Variants in ADAM28 observed in about 807,000 individuals in gnomAD.
The protein encoded by ADAM28 is disintegrin and metalloproteinase domain-containing protein 28.
In ADAM28, 105 loss-of-function variants were observed where a neutral mutation model predicts 101.2. The ratio of observed to expected loss-of-function variants is 1.04; its 90% confidence interval spans 0.89 to 1.22. The LOEUF (loss-of-function observed/expected upper bound fraction) is 1.22, where lower values mean the gene tolerates loss of function less well. ADAM28 is among the 50% of genes most tolerant of loss of function. The pLI, the probability that ADAM28 is intolerant of heterozygous loss-of-function variation, is 0.00. For missense variants in ADAM28, 1,028 were observed against 945.4 expected, an observed-to-expected ratio of 1.09 and a Z score of -1.15; for synonymous variants, 322 against 310.6, an observed-to-expected ratio of 1.04 and a Z score of -0.39.
chr8:24,314,017 A>C (rs2129273387), intron 6 of ADAM28, among the ~76,000 whole-genome samples: 1 of 152,262 alleles, frequency 6.6e-6, no homozygotes, highest in South Asian at 2.1e-4. Context: ...TCAGCCTCCC[A>C]AAGTGCTGAG....
chr8:24,302,920 TC>T (rs1458783724), intron 2 of ADAM28, among the ~76,000 whole-genome samples: 1 of 92,192 alleles, frequency 1.1e-5, no homozygotes, highest in African/African-American at 3.9e-5. Context: ...CCCTCCCCCC[TC>T]CCCCCTCCCC....
chr8:24,345,688 C>T (rs1479020162), intron 18 of ADAM28, among the ~76,000 whole-genome samples: 1 of 151,762 alleles, frequency 6.6e-6, no homozygotes, highest in Admixed American at 6.6e-5. Flanking sequence ...TATTTTATAC[C>T]TAATCTTTTG....
chr8:24,298,797 C>T (rs767380516), intron 1 of ADAM28, among the ~76,000 whole-genome samples: 1 of 152,106 alleles, frequency 6.6e-6, no homozygotes, highest in Non-Finnish European at 1.5e-5. Flanking sequence ...AGGAGCAGGT[C>T]TATCGACTAT....
chr8:24,314,759 A>C (rs1011619048), intron 6 of ADAM28, among the ~76,000 whole-genome samples: 7 of 151,818 alleles, frequency 4.6e-5, no homozygotes, highest in Non-Finnish European at 7.4e-5. Context: ...TAATTTGTTA[A>C]GAAATATATA....
chr8:24,310,101 A>C, intron 3 of ADAM28, 62 bp from the exon 4 acceptor site: 1 of 1,581,538 alleles, frequency 6.3e-7, no homozygotes, highest in Non-Finnish European at 8.7e-7. Flanking sequence ...ATGACTTGAG[A>C]ATTTCCATGG....
intron 1 of ADAM28, chr8:24,296,312 G>T (rs1185451780): frequency 6.6e-6 from 1 of 152,074 alleles, no homozygotes; most frequent in Non-Finnish European, 1.5e-5. Context: ...TAGAAATGCA[G>T]TTTTTTCCCT....
intron 2 of ADAM28, chr8:24,308,801 CT>C: frequency 2.3e-6 from 1 of 431,874 alleles, no homozygotes; most frequent in Admixed American, 2.5e-5. Flanking sequence ...TTGGAGAGGG[CT>C]AAATCCCAGC....
At chr8:24,321,114 T>C (rs977717114) in intron 7 of ADAM28, 104 bp from the exon 8 acceptor site, 28 of 654,910 alleles carry the variant, frequency 4.3e-5, no homozygotes, top group Admixed American at 5.7e-5. Context: ...AACTAATCTT[T>C]AATTAAAATC....
intron 6 of ADAM28, among the ~76,000 whole-genome samples, chr8:24,313,812 C>A (rs1171781930): frequency 6.7e-6 from 1 of 148,220 alleles, no homozygotes; most frequent in Non-Finnish European, 1.5e-5. Context: ...GGCTGTAGTG[C>A]AATGGTGTGA....
chr8:24,349,257 C>A (rs943174818), intron 18 of ADAM28, among the ~76,000 whole-genome samples: 9 of 152,134 alleles, frequency 5.9e-5, no homozygotes, highest in Non-Finnish European at 1.2e-4. Flanking sequence ...CAGTTAAGAG[C>A]AAAAGAGTGA....
chr8:24,339,419 T>C lies in ADAM28; in HGVS notation c.1568-47T>C, dbSNP rs11984686. ...CTTTTATTTTCAAGTATCTCTTGAA[T>C]CTCAAAAATCTATTTTCTTTTCCCT... is the stretch of plus-strand genomic sequence containing the variant. On this transcript the variant is annotated intron_variant, in intron 14 of 22. Transcript: ENST00000265769. 1.8e-3 allele frequency: 2,630 copies of C among 1,426,060 alleles called. 42 individuals carry two copies. In the African/African-American group the frequency reaches 0.034, roughly 18 times the overall value. 88.3% of individuals were successfully genotyped at this position (1,426,060 alleles called of 1,614,324 possible).
At chr8:24,318,997 C>T (rs1811522800) in intron 6 of ADAM28, among the ~76,000 whole-genome samples, 3 of 151,976 alleles carry the variant, frequency 2.0e-5, no homozygotes, top group Admixed American at 2.0e-4. Context: ...ACACAACTGA[C>T]CATGGGTCAC....
chr8:24,342,611 T>C (rs1452978982), intron 16 of ADAM28, among the ~76,000 whole-genome samples: 1 of 152,202 alleles, frequency 6.6e-6, no homozygotes, highest in East Asian at 1.9e-4. Context: ...CAAGGAATTT[T>C]ATATAAAATA....
intron 6 of ADAM28, among the ~76,000 whole-genome samples, chr8:24,317,088 A>AATT (rs1406349181): frequency 6.6e-6 from 1 of 152,050 alleles, no homozygotes. Context: ...CATGCTCATG[A>AATT]ATTAGAAGAA....
chr8:24,307,507 G>A (rs1809857678), intron 2 of ADAM28, among the ~76,000 whole-genome samples: 1 of 152,086 alleles, frequency 6.6e-6, no homozygotes, highest in African/African-American at 2.4e-5. Context: ...GTGGAACTTT[G>A]AATATTTTAT....
intron 8 of ADAM28, 21 bp downstream of exon 8, chr8:24,321,310 T>A: frequency 6.4e-7 from 1 of 1,561,488 alleles, no homozygotes; most frequent in Non-Finnish European, 8.8e-7. Flanking sequence ...TTTTATTACC[T>A]GCAGTTTTAA....
At chr8:24,345,812 T>C (rs2129333294) in intron 18 of ADAM28, among the ~76,000 whole-genome samples, 1 of 152,216 alleles carries the variant, frequency 6.6e-6, no homozygotes, top group Non-Finnish European at 1.5e-5. Flanking sequence ...CGATACAACT[T>C]TACGGTATAT....
Position 24,335,358 on chromosome 8 carries a change from C to T in ADAM28, c.1372-88C>T, listed in dbSNP as rs527802193. The T allele has an allele frequency of 8.8e-3, 12,722 of 1,448,544 alleles. 54 individuals are homozygous for T. Among genetic ancestry groups the T allele is most frequent in the Non-Finnish European group, 0.01 (11,113 of 1,098,874 alleles). 89.7% of individuals were successfully genotyped at this position (1,448,544 alleles called of 1,614,324 possible). ...CCTCCAACTACTATGCCCAAAAAGTCCAAATGGAAAATATTTGTGTTAATT... is the reference window on the plus strand; with the variant it reads ...CCTCCAACTACTATGCCCAAAAAGTTCAAATGGAAAATATTTGTGTTAATT... On this transcript the variant is annotated intron_variant, in intron 13 of 22. Transcript: ENST00000265769.
intron 1 of ADAM28, among the ~76,000 whole-genome samples, chr8:24,297,127 G>A (rs755672502): frequency 6.6e-6 from 1 of 151,384 alleles, no homozygotes; most frequent in Admixed American, 6.6e-5. Flanking sequence ...AGATTGAGAG[G>A]TTGCCAATGA....
Sources: allele counts gnomAD v4.1 joint callset (sites outside exome capture counted in the v4.1 genomes callset), GRCh38; gene constraint gnomAD v4.1.1; transcripts MANE v1.5; gene names NCBI Gene and HGNC (gene_info 2026-07-23, HGNC 2026-07-21).